CMIP: variants seen among roughly 807,000 people sequenced by gnomAD.
CMIP encodes C-Maf-inducing protein.
In CMIP, 13 loss-of-function variants were observed where a neutral mutation model predicts 97.3. The ratio of observed to expected loss-of-function variants is 0.13; its 90% CI spans 0.09 to 0.21. The LOEUF is 0.21. Among genes scored for constraint, CMIP ranks in the 10% least tolerant of loss-of-function variants. CMIP has a pLI of 1.00. For missense variants in CMIP, 847 were observed against 1,024.9 expected (o/e 0.83, Z 2.37); for synonymous variants, 538 against 436.3 (o/e 1.23, Z -2.91).
chr16:81,697,583 G>A (rs1332788938), intron 14 of CMIP: 2 of 152,230 alleles, frequency 1.3e-5, no homozygotes, highest in African/African-American at 4.8e-5. Context: ...CCCTCGTCCG[G>A]GAGCCTCGCA....
chr16:81,591,749 G>A (rs2091469749), intron 1 of CMIP, among the ~76,000 whole-genome samples: 1 of 151,690 alleles, frequency 6.6e-6, no homozygotes, highest in Non-Finnish European at 1.5e-5. Context: ...ACAGGGGTGT[G>A]CATTGTCAGA....
chr16:81,469,707 G>A (rs1177202298), intron 1 of CMIP, among the ~76,000 whole-genome samples: 1 of 152,146 alleles, frequency 6.6e-6, no homozygotes, highest in Non-Finnish European at 1.5e-5. Context: ...GTGACATTGG[G>A]CAAGTTAGTT....
chr16:81,598,666 C>A (rs2091604305), intron 1 of CMIP, among the ~76,000 whole-genome samples: 1 of 152,182 alleles, frequency 6.6e-6, no homozygotes, highest in African/African-American at 2.4e-5. Flanking sequence ...CAGGCCACAA[C>A]AGAAGAGCAG....
chr16:81,607,517 C>T, intron 1 of CMIP, 50 bp from the exon 2 acceptor site: 1 of 1,598,948 alleles, frequency 6.3e-7, no homozygotes. Context: ...GGACGTCATG[C>T]CTGCTACTGT....
At chr16:81,513,694 A>G (rs575302259) in intron 1 of CMIP, among the ~76,000 whole-genome samples, 2 of 152,364 alleles carry the variant, frequency 1.3e-5, no homozygotes, top group East Asian at 1.9e-4. Flanking sequence ...GTCAATTCCC[A>G]GAGTGGAGCT....
At chr16:81,463,761 T>C (rs1907033126) in intron 1 of CMIP, 1 of 152,214 alleles carries the variant, frequency 6.6e-6, no homozygotes, top group Non-Finnish European at 1.5e-5. Flanking sequence ...TGGCTGTGGG[T>C]TGTGGAGCTG....
chr16:81,634,903 C>T (rs2092214712), intron 3 of CMIP, among the ~76,000 whole-genome samples: 1 of 152,138 alleles, frequency 6.6e-6, no homozygotes, highest in South Asian at 2.1e-4. Context: ...ACAACAGAGG[C>T]CCCTGTTGAG....
intron 1 of CMIP, among the ~76,000 whole-genome samples, chr16:81,566,488 A>G (rs545748551): frequency 1.8e-4 from 28 of 152,240 alleles, no homozygotes; most frequent in Non-Finnish European, 2.6e-4. Context: ...GCACAACTGG[A>G]TTTTGGTACC....
At chr16:81,488,000 C>T (rs2089345083) in intron 1 of CMIP, among the ~76,000 whole-genome samples, 1 of 152,142 alleles carries the variant, frequency 6.6e-6, no homozygotes, top group South Asian at 2.1e-4. Flanking sequence ...CCCTGGCAGC[C>T]TCGCATCTTA....
chr16:81,484,178 C>G (rs887113931), intron 1 of CMIP, among the ~76,000 whole-genome samples: 2 of 152,138 alleles, frequency 1.3e-5, no homozygotes, highest in East Asian at 1.9e-4. Context: ...CAGGGGCCCA[C>G]CAGGTGGAAG....
intron 1 of CMIP, among the ~76,000 whole-genome samples, chr16:81,530,378 T>C (rs937826235): frequency 3.9e-5 from 6 of 152,116 alleles, no homozygotes; most frequent in Non-Finnish European, 5.9e-5. Flanking sequence ...TCCTCCCGTC[T>C]CGCCTCTGTT....
intron 1 of CMIP, among the ~76,000 whole-genome samples, chr16:81,578,777 C>T (rs1198434004): frequency 6.6e-6 from 1 of 152,234 alleles, no homozygotes; most frequent in Non-Finnish European, 1.5e-5. Context: ...ACACCTGCTC[C>T]CTTCCTGCAC....
intron 8 of CMIP, among the ~76,000 whole-genome samples, chr16:81,671,727 G>A (rs527479708): frequency 2.2e-4 from 34 of 152,316 alleles, no homozygotes; most frequent in African/African-American, 7.9e-4. Flanking sequence ...TTTGAACCCG[G>A]GAACCCTGGA....
At chr16:81,670,311 C>G (rs1161090008) in intron 8 of CMIP, 66 bp downstream of exon 8, 1 of 1,496,986 alleles carries the variant, frequency 6.7e-7, no homozygotes, top group South Asian at 1.2e-5. Flanking sequence ...CCTGTTTACT[C>G]AGATATCCAC....
intron 1 of CMIP, among the ~76,000 whole-genome samples, chr16:81,468,721 G>A (rs1207766096): frequency 6.6e-6 from 1 of 152,260 alleles, no homozygotes; most frequent in Non-Finnish European, 1.5e-5. Flanking sequence ...CTCGTGGGAA[G>A]CAGCAGGGTC....
In CMIP at chr16:81,469,285, A is replaced by G. The variant is rs567205702; in HGVS notation, c.300+23744A>G. On this transcript the variant is annotated intron_variant, in intron 1 of 20. Coordinates refer to ENST00000537098, the MANE Select transcript of CMIP (RefSeq NM_198390.3). ...ATCAGCCCAGGCCAGTAATCAAAACAGCATGTTGGAAGTTCTACCTTGGGC... is the reference window on the plus strand; with the variant it reads ...ATCAGCCCAGGCCAGTAATCAAAACGGCATGTTGGAAGTTCTACCTTGGGC... 3.7e-3 allele frequency among the ~76,000 whole-genome samples: 569 copies of G among 152,364 alleles called. 5 individuals are homozygous for G. Among genetic ancestry groups the G allele is most frequent in the African/African-American group, 0.013 (529 of 41,584 alleles).
Position 81,624,955 on chromosome 16 carries a change from G to A in CMIP, c.477+4029G>A, listed in dbSNP as rs559723345. 3.3e-5 allele frequency among the ~76,000 whole-genome samples: 5 copies of A among 152,246 alleles called. No homozygotes were observed. In the East Asian group the frequency reaches 9.6e-4, roughly 29 times the overall value. ...GCTCCCATGTTGGAGGAGTTTGCTC[G>A]GCAATGGACACTGCATTTTGTGAAT... is the stretch of plus-strand genomic sequence containing the variant. On this transcript the variant is annotated intron_variant, in intron 3 of 20. Coordinates refer to ENST00000537098, the MANE Select transcript of CMIP (RefSeq NM_198390.3).
intron 2 of CMIP, chr16:81,620,607 C>G (rs1275319602): frequency 2.4e-6 from 1 of 410,786 alleles, no homozygotes; most frequent in Admixed American, 3.8e-5. Context: ...GCTCTCAAGT[C>G]AGCAGTGTCT....
intron 16 of CMIP, 87 bp from the exon 17 acceptor site, chr16:81,702,535 C>T (rs1907536107): frequency 3.0e-6 from 4 of 1,312,552 alleles, no homozygotes; most frequent in Non-Finnish European, 4.3e-6. Flanking sequence ...ATAACGATGG[C>T]TCCATGAGTG....
Sources: allele counts gnomAD v4.1 joint callset (sites outside exome capture counted in the v4.1 genomes callset), GRCh38; gene constraint gnomAD v4.1.1; transcripts MANE v1.5; gene names NCBI Gene and HGNC (gene_info 2026-07-23, HGNC 2026-07-21).